The following ADARB2 variants were observed in gnomAD, a reference collection of about 807,000 sequenced individuals.
ADARB2 encodes adenosine deaminase RNA specific B2 (inactive), also known as inactive double-stranded RNA-specific editase B2.
In ADARB2, 25 loss-of-function variants were observed where a neutral mutation model predicts 62.2. The ratio of observed to expected loss-of-function variants is 0.40; its 90% CI spans 0.29 to 0.56. ADARB2 has a LOEUF of 0.56. Among genes scored for constraint, ADARB2 ranks in the 20% least tolerant of loss-of-function variants. ADARB2 has a pLI of 0.43. For missense variants in ADARB2, 1,071 were observed against 1,077.4 expected (o/e 0.99, Z 0.08); for synonymous variants, 572 against 500.8 (o/e 1.14, Z -1.90).
chr10:1,223,722 C>T (rs1230956706), intron 6 of ADARB2, among the ~76,000 whole-genome samples: 2 of 152,226 alleles, frequency 1.3e-5, no homozygotes, highest in African/African-American at 2.4e-5. Context: ...TGCTGGATTA[C>T]GTTTATTGAT....
At chr10:1,476,950 C>G (rs2676184) in intron 1 of ADARB2, among the ~76,000 whole-genome samples, 1 of 152,114 alleles carries the variant, frequency 6.6e-6, no homozygotes, top group Non-Finnish European at 1.5e-5. Flanking sequence ...GACTTCCTTT[C>G]TTAACAATCA....
At chr10:1,484,440 G>T (rs968374253) in intron 1 of ADARB2, among the ~76,000 whole-genome samples, 1 of 152,250 alleles carries the variant, frequency 6.6e-6, no homozygotes, top group Non-Finnish European at 1.5e-5. Context: ...CTCAGAGCTA[G>T]AGCCCTGTCC....
chr10:1,579,523 T>A (rs1455742664), intron 1 of ADARB2, among the ~76,000 whole-genome samples: 1 of 152,166 alleles, frequency 6.6e-6, no homozygotes, highest in Non-Finnish European at 1.5e-5. Flanking sequence ...ATGAAAGCGA[T>A]CCCTTTCTGA....
At chr10:1,631,200 A>G (rs755225049) in intron 1 of ADARB2, among the ~76,000 whole-genome samples, 3 of 152,090 alleles carry the variant, frequency 2.0e-5, no homozygotes, top group Non-Finnish European at 2.9e-5. Flanking sequence ...GACGCCATCC[A>G]TGAACGTCCA....
In ADARB2 at chr10:1,363,901, C is replaced by T. The variant is rs1832288874; in HGVS notation, c.204G>A (p.Glu68=). 6.8e-7 allele frequency: 1 copy of T among 1,474,878 alleles called. No individual in the cohort carries two copies. Among genetic ancestry groups the T allele is most frequent in the Admixed American group, 2.5e-5 (1 of 39,424 alleles). The allele number at this position is 1,474,878 out of a possible 1,614,324, so 91.4% of individuals were successfully genotyped here. ...TGCCCACGTTGCGGTTCTCCTTCACCTCCGCGCTGCTGGTACCTGGAGGGG... is the reference window on the plus strand; with the variant it reads ...TGCCCACGTTGCGGTTCTCCTTCACTTCCGCGCTGCTGGTACCTGGAGGGG... The part of the protein sequence containing the change: ...DDDTLSTSSA[E]VKENRNVGNL... Residue 68 remains glutamate (E), a synonymous_variant, in exon 3 of 10, where the codon GAG becomes GAA. Transcript: ENST00000381312.
At chr10:1,305,793 G>C (rs1386379408) in intron 3 of ADARB2, among the ~76,000 whole-genome samples, 1 of 152,166 alleles carries the variant, frequency 6.6e-6, no homozygotes, top group Non-Finnish European at 1.5e-5. Context: ...CAGAGCCAAA[G>C]ACAAACACCA....
chr10:1,256,964 A>T (rs1831085681), intron 4 of ADARB2, among the ~76,000 whole-genome samples: 3 of 152,174 alleles, frequency 2.0e-5, no homozygotes, highest in Admixed American at 6.5e-5. Context: ...AAATAATGAG[A>T]GCATGAAGCC....
chr10:1,291,437 G>A (rs1477592012), intron 3 of ADARB2: 1 of 152,272 alleles, frequency 6.6e-6, no homozygotes, highest in African/African-American at 2.4e-5. Context: ...CGGGGTCGGA[G>A]CTCCTTCACA....
intron 1 of ADARB2, among the ~76,000 whole-genome samples, chr10:1,379,813 G>A (rs1407235262): frequency 6.6e-6 from 1 of 152,166 alleles, no homozygotes; most frequent in African/African-American, 2.4e-5. Context: ...GGCCAAGCAG[G>A]TCCTGCCTCC....
At chr10:1,584,448 T>C (rs969235326) in intron 1 of ADARB2, among the ~76,000 whole-genome samples, 5 of 152,182 alleles carry the variant, frequency 3.3e-5, no homozygotes, top group Admixed American at 1.3e-4. Flanking sequence ...CCCTGGATGC[T>C]GGTGAGGATG....
chr10:1,665,799 G>C (rs974884525), intron 1 of ADARB2, among the ~76,000 whole-genome samples: 1 of 152,256 alleles, frequency 6.6e-6, no homozygotes, highest in African/African-American at 2.4e-5. Context: ...GTGTCCCCCA[G>C]AGAAGGCCTC....
At chr10:1,613,868 T>G (rs1833599934) in intron 1 of ADARB2, among the ~76,000 whole-genome samples, 1 of 152,214 alleles carries the variant, frequency 6.6e-6, no homozygotes, top group Non-Finnish European at 1.5e-5. Context: ...CACGGGGAAA[T>G]TCAAGGAGTT....
chr10:1,509,264 G>C (rs1831892321), intron 1 of ADARB2, among the ~76,000 whole-genome samples: 1 of 152,136 alleles, frequency 6.6e-6, no homozygotes, highest in African/African-American at 2.4e-5. Context: ...ATGCTTTTAT[G>C]ACCTCACTGT....
chr10:1,670,210 C>A (rs4880527), intron 1 of ADARB2, among the ~76,000 whole-genome samples: 1 of 152,208 alleles, frequency 6.6e-6, no homozygotes, highest in Non-Finnish European at 1.5e-5. Flanking sequence ...AATATGTTTG[C>A]GTATAATTTT....
intron 1 of ADARB2, among the ~76,000 whole-genome samples, chr10:1,680,673 T>G (rs1049633394): frequency 9.9e-5 from 15 of 152,184 alleles, no homozygotes; most frequent in African/African-American, 3.6e-4. Context: ...GGCTCATCTG[T>G]CATTTATTAC....
In ADARB2 at chr10:1,705,477, G is replaced by T. The variant is rs547522745; in HGVS notation, c.100+31574C>A. Among the ~76,000 whole-genome samples, 5 of 152,362 alleles carry T rather than the reference G, an allele frequency of 3.3e-5. No individual in the cohort carries two copies. The East Asian group carries it at 9.6e-4, about 29-fold the overall frequency. On this transcript the variant is annotated intron_variant, in intron 1 of 9. Coordinates refer to ENST00000381312, the MANE Select transcript of ADARB2 (RefSeq NM_018702.4). ...CAGGAGGAGAGGCGGCAGATGGGGT[G>T]AGAAGGGCTGCAAGGCCAGGTAGGT...
intron 8 of ADARB2, among the ~76,000 whole-genome samples, chr10:1,193,905 G>A (rs1836874591): frequency 6.6e-6 from 1 of 152,100 alleles, no homozygotes; most frequent in Non-Finnish European, 1.5e-5. Flanking sequence ...CCACTGAGAT[G>A]AGAATTAAAA....
intron 1 of ADARB2, among the ~76,000 whole-genome samples, chr10:1,728,827 T>A (rs1835197511): frequency 6.6e-6 from 1 of 152,230 alleles, no homozygotes; most frequent in South Asian, 2.1e-4. Context: ...TTGCTACACA[T>A]CAAAGCTATT....
At chr10:1,474,147 T>A (rs1241894223) in intron 1 of ADARB2, among the ~76,000 whole-genome samples, 1 of 152,018 alleles carries the variant, frequency 6.6e-6, no homozygotes, top group Admixed American at 6.5e-5. Flanking sequence ...GATTCCTGCA[T>A]GGCCTTCGCG....
Sources: gnomAD v4.1 joint callset for allele counts (sites outside exome capture counted in the v4.1 genomes callset) on GRCh38, gnomAD v4.1.1 for gene constraint, MANE v1.5 for transcripts, NCBI Gene and HGNC (gene_info 2026-07-23, HGNC 2026-07-21) for gene names.